SPEF2: variants seen among roughly 807,000 people sequenced by gnomAD.
SPEF2 encodes sperm flagella and cilia-associated protein 2.
In SPEF2, 187 loss-of-function variants were observed where a neutral mutation model predicts 224.6. The observed-to-expected ratio is 0.83, with a 90% CI of 0.74 to 0.94. SPEF2 has a LOEUF of 0.94. Among genes scored for constraint, SPEF2 ranks in the 40% least tolerant of loss-of-function variants. The probability of loss-of-function intolerance (pLI) is 0.00; values close to 1 mark genes in which losing one functional copy is unlikely to be tolerated. For synonymous variants in SPEF2, 715 were observed against 707.3 expected, an observed-to-expected ratio of 1.01 and a Z score of -0.17; for missense variants, 2,170 against 2,135.6, an observed-to-expected ratio of 1.02 and a Z score of -0.32.
intron 6 of SPEF2, among the ~76,000 whole-genome samples, chr5:35,651,038 G>A (rs948057669): frequency 1.1e-4 from 17 of 152,188 alleles, no homozygotes; most frequent in African/African-American, 4.1e-4. Context: ...TGGTTGCTGG[G>A]ACTCCGGCCA....
intron 8 of SPEF2, among the ~76,000 whole-genome samples, chr5:35,659,580 A>C (rs1197223976): frequency 1.3e-5 from 2 of 152,122 alleles, no homozygotes; most frequent in East Asian, 3.9e-4. Flanking sequence ...TGCCTTTTAT[A>C]CTTGATTGTA....
chr5:35,707,704 G>A (rs540566334), intron 18 of SPEF2, among the ~76,000 whole-genome samples: 1 of 152,216 alleles, frequency 6.6e-6, no homozygotes, highest in East Asian at 1.9e-4. Flanking sequence ...AATGATGGGA[G>A]CCTAGAAAGA....
At chr5:35,627,037 A>G (rs1744356284) in intron 1 of SPEF2, among the ~76,000 whole-genome samples, 1 of 151,970 alleles carries the variant, frequency 6.6e-6, no homozygotes, top group Admixed American at 6.6e-5. Context: ...TGATACTGCA[A>G]TGACATATAA....
chr5:35,766,262 GT>G, intron 26 of SPEF2, among the ~76,000 whole-genome samples: 1 of 152,152 alleles, frequency 6.6e-6, no homozygotes, highest in East Asian at 1.9e-4. Flanking sequence ...TAGAACTAAA[GT>G]TTTATAGGAA....
At chr5:35,738,333 T>A (rs1164878305) in intron 21 of SPEF2, among the ~76,000 whole-genome samples, 1 of 151,858 alleles carries the variant, frequency 6.6e-6, no homozygotes, top group Non-Finnish European at 1.5e-5. Flanking sequence ...CTTCTAGGGT[T>A]TTTATGGTTT....
chr5:35,783,938 T>C (rs1177502674), intron 30 of SPEF2, among the ~76,000 whole-genome samples: 1 of 152,212 alleles, frequency 6.6e-6, no homozygotes, highest in African/African-American at 2.4e-5. Flanking sequence ...CTCAATGAAA[T>C]GCCTGCAGAG....
At chr5:35,657,794 A>G (rs529013875) in intron 7 of SPEF2, among the ~76,000 whole-genome samples, 11 of 152,310 alleles carry the variant, frequency 7.2e-5, no homozygotes, top group Admixed American at 2.6e-4. Context: ...GTCTTGGCCA[A>G]TTAAGGTTTG....
At chr5:35,667,558 T>A (rs955153942) in intron 9 of SPEF2, among the ~76,000 whole-genome samples, 1 of 152,164 alleles carries the variant, frequency 6.6e-6, no homozygotes, top group African/African-American at 2.4e-5. Context: ...ATCTTTGGGT[T>A]CTATGACTAG....
intron 12 of SPEF2, among the ~76,000 whole-genome samples, chr5:35,693,959 TTTTCCATAAACTTTACCCTTTCC>T (rs1248899796): frequency 6.6e-6 from 1 of 152,212 alleles, no homozygotes; most frequent in Non-Finnish European, 1.5e-5. Context: ...TTCAAGATGG[TTTTCCATAAACTTTACCCTTTCC>T]TCAGGTTCCA....
At position 35,680,666 on chromosome 5, in the gene SPEF2, A is replaced by G. The variant is rs58946348; in HGVS notation, c.1525-10371A>G. On this transcript the variant is annotated intron_variant, in intron 10 of 36. Transcript: ENST00000356031. ...AGAATGATGCTGTGTGGATACGAATAGGAGGTTATAGGACACATTGGAAGG... is the reference window on the plus strand; with the variant it reads ...AGAATGATGCTGTGTGGATACGAATGGGAGGTTATAGGACACATTGGAAGG... Among the ~76,000 whole-genome samples, 1,083 of 152,290 alleles carry G rather than the reference A, an allele frequency of 7.1e-3. 14 individuals are homozygous for G. The highest frequency in any genetic ancestry group is 0.025 in the African/African-American group (1,051 of 41,570).
chr5:35,641,729 T>G, intron 3 of SPEF2, 46 bp downstream of exon 3: 1 of 1,566,714 alleles, frequency 6.4e-7, no homozygotes, highest in Non-Finnish European at 8.6e-7. Flanking sequence ...GTGTAAAATT[T>G]GATAAAGAGA....
chr5:35,747,683 A>G (rs902742184), intron 23 of SPEF2, among the ~76,000 whole-genome samples: 17 of 152,330 alleles, frequency 1.1e-4, no homozygotes, highest in African/African-American at 4.1e-4. Context: ...CAAATTTATA[A>G]AACAATCACT....
rs1580355818 is a variant in SPEF2, at chr5:35,703,480, A to G, written c.2399-1074A>G. On this transcript the variant is annotated intron_variant, in intron 16 of 36. Transcript: ENST00000356031. ...ACAGGAGTGCTGGAAAGTTTGTGGT[A>G]GGAGTATAGGTCTTTAGGATTGCAA... Among the ~76,000 whole-genome samples, 3 of 152,112 alleles carry G rather than the reference A, an allele frequency of 2.0e-5. No homozygotes were observed. In the East Asian group the frequency reaches 5.8e-4, roughly 29 times the overall value.
At chr5:35,717,678 A>C (rs1279581688) in intron 20 of SPEF2, among the ~76,000 whole-genome samples, 1 of 152,090 alleles carries the variant, frequency 6.6e-6, no homozygotes, top group African/African-American at 2.4e-5. Context: ...CCTGCCTGGC[A>C]GTTTGAATCC....
At chr5:35,669,182 T>C (rs772778602) in intron 9 of SPEF2, among the ~76,000 whole-genome samples, 3 of 152,130 alleles carry the variant, frequency 2.0e-5, no homozygotes, top group African/African-American at 7.2e-5. Context: ...CCTTTTTCTG[T>C]CTGGCTTATT....
At chr5:35,764,862 G>A (rs1751879751) in intron 26 of SPEF2, 1 of 378,238 alleles carries the variant, frequency 2.6e-6, no homozygotes, top group African/African-American at 2.1e-5. Context: ...CACAAGCAAT[G>A]ATAACTCCTC....
chr5:35,771,963 G>C lies in SPEF2; in HGVS notation c.3949+207G>C, dbSNP rs113557581. ...CCCACCTAACTTGTTTAACCAAATA[G>C]CCAGATGTACTCAGGGTAAAATAAA... On this transcript the variant is annotated intron_variant, in intron 27 of 36. Transcript: ENST00000356031. Among the ~76,000 whole-genome samples, 80 of 152,306 alleles carry C rather than the reference G, an allele frequency of 5.3e-4. 1 individual carries two copies. Among genetic ancestry groups the C allele is most frequent in the African/African-American group, 1.8e-3 (74 of 41,570 alleles).
intron 9 of SPEF2, among the ~76,000 whole-genome samples, chr5:35,668,262 T>C (rs550103821): frequency 6.6e-6 from 1 of 152,254 alleles, no homozygotes; most frequent in Non-Finnish European, 1.5e-5. Context: ...ACAATCCAGA[T>C]ATCTCTCAAC....
At chr5:35,723,813 G>A (rs1055023861) in intron 20 of SPEF2, among the ~76,000 whole-genome samples, 1 of 152,142 alleles carries the variant, frequency 6.6e-6, no homozygotes, top group East Asian at 1.9e-4. Flanking sequence ...ACCTTTAACA[G>A]AGGACAGTAT....
Sources: allele counts gnomAD v4.1 joint callset (sites outside exome capture counted in the v4.1 genomes callset), GRCh38; gene constraint gnomAD v4.1.1; transcripts MANE v1.5; gene names NCBI Gene and HGNC (gene_info 2026-07-23, HGNC 2026-07-21).